The following TMEM132B variants were observed in gnomAD, a reference collection of about 807,000 sequenced individuals.
The protein encoded by TMEM132B is transmembrane protein 132B.
TMEM132B carries 18 observed loss-of-function variants against 90.8 expected under a neutral mutation model. The observed-to-expected ratio is 0.20, with a 90% CI of 0.14 to 0.29. TMEM132B has a LOEUF of 0.29. Among genes scored for constraint, TMEM132B ranks in the 10% least tolerant of loss-of-function variants. The pLI is 1.00. For synonymous variants in TMEM132B, 504 were observed against 523.3 expected (o/e 0.96, Z 0.50); for missense variants, 1,096 against 1,326.8 (o/e 0.83, Z 2.70).
chr12:125,390,639 A>AT (rs1358381130), intron 2 of TMEM132B, among the ~76,000 whole-genome samples: 1 of 152,136 alleles, frequency 6.6e-6, no homozygotes, highest in East Asian at 1.9e-4. Context: ...GTCTCGGATC[A>AT]TTTTTTCTGG....
chr12:125,238,285 G>A (rs1593051538), intron 1 of TMEM132B, among the ~76,000 whole-genome samples: 2 of 149,488 alleles, frequency 1.3e-5, no homozygotes, highest in African/African-American at 2.5e-5. Flanking sequence ...CCTGGGAGGC[G>A]GAGCTTGCAG....
chr12:125,188,834 A>G (rs1175830453), intron 1 of TMEM132B, among the ~76,000 whole-genome samples: 1 of 137,306 alleles, frequency 7.3e-6, no homozygotes, highest in Non-Finnish European at 1.5e-5. Context: ...TATATTTAGC[A>G]CTAGTTAGGA....
At position 125,350,257 on chromosome 12, in the gene TMEM132B, A is replaced by G. The variant is rs1342715300; in HGVS notation, c.873A>G (p.Val291=). The change falls in exon 2 of 9, where the codon GTA becomes GTG. Residue 291 remains valine, a synonymous_variant. Transcript: ENST00000682704. ...VSLDENVVIS[V]PLNLVREGDT... The stretch of plus-strand genomic sequence containing the variant: ...TGGACGAGAATGTGGTCATCTCGGT[A>G]CCTCTGAATCTAGTCCGGGAAGGGG... 3 of 1,613,992 alleles carry G rather than the reference A, an allele frequency of 1.9e-6. No homozygotes were observed. Among genetic ancestry groups the G allele is most frequent in the Non-Finnish European group, 2.5e-6 (3 of 1,180,008 alleles).
In TMEM132B at chr12:125,657,577, A is replaced by G. The variant is rs1210004300; in HGVS notation, c.*2867A>G. 6.6e-6 allele frequency: 1 copy of G among 152,200 alleles called. No individual in the cohort carries two copies. Among genetic ancestry groups the G allele is most frequent in the African/African-American group, 2.4e-5 (1 of 41,452 alleles). 9.4% of individuals were successfully genotyped at this position (152,200 alleles called of 1,614,324 possible). Reference sequence around the variant, plus strand: ...TACAACTATTAGGTGCTGTGCCCCAAAATATCTAAAATGGGGGTAAAGATA... The same window carrying G: ...TACAACTATTAGGTGCTGTGCCCCAGAATATCTAAAATGGGGGTAAAGATA... On this transcript the variant is annotated 3_prime_UTR_variant, in exon 9 of 9. Coordinates refer to ENST00000682704, the MANE Select transcript of TMEM132B (RefSeq NM_001366854.1).
chr12:125,525,424 A>G (rs1405749421), intron 4 of TMEM132B, among the ~76,000 whole-genome samples: 1 of 152,190 alleles, frequency 6.6e-6, no homozygotes, highest in African/African-American at 2.4e-5. Flanking sequence ...GGTTGGAGGA[A>G]GCTGGCTTAG....
At chr12:125,652,151 T>C (rs1300289921) in intron 7 of TMEM132B, among the ~76,000 whole-genome samples, 1 of 152,232 alleles carries the variant, frequency 6.6e-6, no homozygotes, top group Non-Finnish European at 1.5e-5. Flanking sequence ...CTAATATCAA[T>C]GGACAGTTTT....
chr12:125,562,739 T>C (rs1192351051), intron 4 of TMEM132B, among the ~76,000 whole-genome samples: 3 of 152,298 alleles, frequency 2.0e-5, no homozygotes, highest in East Asian at 3.9e-4. Context: ...TGAGATCTGA[T>C]GGTTCTATAA....
chr12:125,603,924 A>G (rs552432129), intron 5 of TMEM132B, among the ~76,000 whole-genome samples: 1 of 152,314 alleles, frequency 6.6e-6, no homozygotes, highest in East Asian at 1.9e-4. Context: ...CAGAATGGCA[A>G]TTCTTAAAAA....
At chr12:125,401,575 G>A (rs553465371) in intron 2 of TMEM132B, among the ~76,000 whole-genome samples, 1 of 152,280 alleles carries the variant, frequency 6.6e-6, no homozygotes, top group South Asian at 2.1e-4. Flanking sequence ...GGAATGGCAG[G>A]TGGAAAGGTT....
At chr12:125,635,461 G>A (rs1445034546) in intron 5 of TMEM132B, among the ~76,000 whole-genome samples, 3 of 152,122 alleles carry the variant, frequency 2.0e-5, no homozygotes, top group African/African-American at 7.2e-5. Context: ...TCCCTTCAAT[G>A]GACACAAACT....
intron 5 of TMEM132B, among the ~76,000 whole-genome samples, chr12:125,631,673 G>C (rs1329256976): frequency 1.3e-5 from 2 of 151,996 alleles, no homozygotes; most frequent in African/African-American, 4.8e-5. Context: ...CTCCAGTGTT[G>C]GGAGCATATT....
Position 125,567,246 on chromosome 12 carries a change from A to G in TMEM132B, c.1294-16605A>G, listed in dbSNP as rs145532164. Among the ~76,000 whole-genome samples, 37 of 151,728 alleles carry G rather than the reference A, an allele frequency of 2.4e-4. No homozygotes were observed. In the South Asian group the frequency reaches 5.0e-3, roughly 21 times the overall value. On this transcript the variant is annotated intron_variant, in intron 4 of 8. Transcript: ENST00000682704. Reference sequence around the variant, plus strand: ...TCCATGGCCCTCTGCCCTTTTCTCAATTTGTCTCACCCCACCTGTCTTTCT... The same window carrying G: ...TCCATGGCCCTCTGCCCTTTTCTCAGTTTGTCTCACCCCACCTGTCTTTCT...
chr12:125,621,925 T>G (rs1886123185), intron 5 of TMEM132B, among the ~76,000 whole-genome samples: 1 of 152,216 alleles, frequency 6.6e-6, no homozygotes, highest in Non-Finnish European at 1.5e-5. Flanking sequence ...AGAAAAGTAC[T>G]TTAAAACTAT....
At chr12:125,400,238 G>A (rs1381232874) in intron 2 of TMEM132B, among the ~76,000 whole-genome samples, 3 of 152,228 alleles carry the variant, frequency 2.0e-5, no homozygotes, top group Non-Finnish European at 4.4e-5. Context: ...AGACACATAA[G>A]TTTCTTAGTA....
chr12:125,597,436 C>CACTT (rs1320175888), intron 5 of TMEM132B, among the ~76,000 whole-genome samples: 2 of 152,156 alleles, frequency 1.3e-5, no homozygotes, highest in African/African-American at 4.8e-5. Context: ...CTCAAAAAGA[C>CACTT]ACTTGTAATT....
intron 1 of TMEM132B, among the ~76,000 whole-genome samples, chr12:125,240,818 A>G (rs1874046646): frequency 6.6e-6 from 1 of 152,188 alleles, no homozygotes; most frequent in Non-Finnish European, 1.5e-5. Context: ...GGATTAGTTG[A>G]TAAATGTCTG....
chr12:125,469,272 G>A (rs1029283519), intron 3 of TMEM132B, among the ~76,000 whole-genome samples: 3 of 152,068 alleles, frequency 2.0e-5, no homozygotes, highest in African/African-American at 7.2e-5. Flanking sequence ...AGTTCTCAAG[G>A]CATGTTAAGT....
chr12:125,455,166 G>T (rs946837248), intron 3 of TMEM132B, among the ~76,000 whole-genome samples: 3 of 151,888 alleles, frequency 2.0e-5, no homozygotes, highest in Non-Finnish European at 2.9e-5. Flanking sequence ...TCAGGAGGGG[G>T]AACAATGGGG....
intron 3 of TMEM132B, among the ~76,000 whole-genome samples, chr12:125,442,718 C>A (rs1394903993): frequency 6.6e-6 from 1 of 152,182 alleles, no homozygotes; most frequent in Non-Finnish European, 1.5e-5. Flanking sequence ...GCCAGGATGA[C>A]GGCAGGTGTG....
Sources: allele counts gnomAD v4.1 joint callset (sites outside exome capture counted in the v4.1 genomes callset), GRCh38; gene constraint gnomAD v4.1.1; transcripts MANE v1.5; gene names NCBI Gene and HGNC (gene_info 2026-07-23, HGNC 2026-07-21).